The following BCAR3 variants were observed in gnomAD, a reference collection of about 807,000 sequenced individuals.
BCAR3 encodes the protein BCAR3 adaptor protein, NSP family member, also known as breast cancer anti-estrogen resistance protein 3.
In BCAR3, 37 loss-of-function variants were observed where a neutral mutation model predicts 80.1. That is an observed-to-expected ratio of 0.46 (90% confidence interval 0.36 to 0.61). The LOEUF (loss-of-function observed/expected upper bound fraction) is 0.61, where lower values mean the gene tolerates loss of function less well. Among genes scored for constraint, BCAR3 ranks in the 20% least tolerant of loss-of-function variants. BCAR3 has a pLI of 0.00. For synonymous variants in BCAR3, 389 were observed against 418.9 expected, an observed-to-expected ratio of 0.93 and a Z score of 0.87; for missense variants, 978 against 1,068.2, an observed-to-expected ratio of 0.92 and a Z score of 1.18.
At chr1:93,660,186 T>C (rs1647586729) in intron 2 of BCAR3, among the ~76,000 whole-genome samples, 1 of 152,160 alleles carries the variant, frequency 6.6e-6, no homozygotes, top group African/African-American at 2.4e-5. Context: ...GAGAGAAATG[T>C]TGTTCTTGGA....
upstream of BCAR3, chr1:93,847,188 G>T (rs552755734): frequency 1.3e-3 from 256 of 193,648 alleles, 1 homozygote; most frequent in African/African-American, 5.7e-3. Flanking sequence ...CAACTCTGGG[G>T]TCCCGGCCGG....
At chr1:93,708,537 C>T (rs998918838) in intron 2 of BCAR3, among the ~76,000 whole-genome samples, 3 of 152,174 alleles carry the variant, frequency 2.0e-5, no homozygotes, top group Non-Finnish European at 1.5e-5. Context: ...TCCCCAGTGT[C>T]CCATTACTCT....
intron 3 of BCAR3, among the ~76,000 whole-genome samples, chr1:93,612,863 A>G (rs1383861509): frequency 6.6e-6 from 1 of 152,216 alleles, no homozygotes; most frequent in Non-Finnish European, 1.5e-5. Context: ...CACTCCTACC[A>G]GGGAGCAAAA....
Position 93,646,339 on chromosome 1 carries a change from A to C in BCAR3, c.318-3996T>G, listed in dbSNP as rs1676146510. 9 of 152,232 alleles carry C rather than the reference A, an allele frequency of 5.9e-5. No homozygotes were observed. In the South Asian group the frequency reaches 1.9e-3, roughly 32 times the overall value. 9.4% of individuals were successfully genotyped at this position (152,232 alleles called of 1,614,324 possible). A position where few individuals can be genotyped will look rare whatever the true frequency, so the allele number is the denominator to read the frequency against. ...ATTGGTAGGCTGGTCACGGTGACTC[A>C]CGCCTGTAATCCCAGCACTTTGGGA... On this transcript the variant is annotated intron_variant, in intron 2 of 11. Transcript: ENST00000260502.
chr1:93,675,646 G>T (rs765221606), intron 1 of BCAR3, among the ~76,000 whole-genome samples: 22 of 152,176 alleles, frequency 1.4e-4, no homozygotes, highest in African/African-American at 5.3e-4. Context: ...ATGCCCATGG[G>T]TGCCTGTACA....
intron 2 of BCAR3, 147 bp downstream of exon 2, chr1:93,674,467 G>T: frequency 1.2e-6 from 1 of 847,830 alleles, no homozygotes; most frequent in Non-Finnish European, 1.8e-6. Flanking sequence ...TGTTGGTCTG[G>T]TCTCAAACTC....
Position 93,584,094 on chromosome 1 carries a change from G to A in BCAR3, c.957C>T (p.Pro319=), listed in dbSNP as rs143814614. 2.0e-5 allele frequency: 33 copies of A among 1,613,986 alleles called. No individual in the cohort carries two copies. Among genetic ancestry groups the A allele is most frequent in the African/African-American group, 2.7e-5 (2 of 74,900 alleles). ...LRNKEKSGSQ[P]ACLDHMQDRR... ...TGTCCTGCATGTGATCCAGGCAGGC[G>A]GGCTGGCTACCACTCTTTTCTTTGT... is the stretch of plus-strand genomic sequence containing the variant. Residue 319 remains proline, a synonymous_variant, in exon 6 of 12, where the codon CCC becomes CCT. Coordinates refer to ENST00000260502, the MANE Select transcript of BCAR3 (RefSeq NM_003567.4).
chr1:93,637,235 T>A (rs1199930313), intron 3 of BCAR3, among the ~76,000 whole-genome samples: 4 of 151,896 alleles, frequency 2.6e-5, no homozygotes, highest in Non-Finnish European at 4.4e-5. Flanking sequence ...AATGGCCCAA[T>A]CTCGGCTCAC....
chr1:93,736,747 C>T (rs61781048), intron 2 of BCAR3, among the ~76,000 whole-genome samples: 14,551 of 152,042 alleles, frequency 0.096, 807 homozygotes, highest in African/African-American at 0.14. Flanking sequence ...AGAAACTATT[C>T]CAAGTGATAA....
intron 2 of BCAR3, among the ~76,000 whole-genome samples, chr1:93,666,502 C>T (rs113150666): frequency 6.6e-6 from 1 of 152,172 alleles, no homozygotes; most frequent in Non-Finnish European, 1.5e-5. Context: ...TAGTTACGTA[C>T]TTAATGATGC....
At chr1:93,694,347 C>T (rs964376388) in intron 3 of BCAR3, among the ~76,000 whole-genome samples, 6 of 151,942 alleles carry the variant, frequency 3.9e-5, no homozygotes, top group Admixed American at 2.6e-4. Flanking sequence ...CAGGGACTGA[C>T]GCCCTCCCAG....
chr1:93,755,472 T>G (rs1651710932), intron 2 of BCAR3, among the ~76,000 whole-genome samples: 2 of 152,204 alleles, frequency 1.3e-5, no homozygotes, highest in African/African-American at 4.8e-5. Flanking sequence ...CTCTACTGTA[T>G]CTTTTCTATG....
chr1:93,619,696 G>A (rs995914246), intron 3 of BCAR3, among the ~76,000 whole-genome samples: 6 of 152,214 alleles, frequency 3.9e-5, no homozygotes, highest in African/African-American at 1.2e-4. Flanking sequence ...GAGGCCCTCT[G>A]GAGGCCTTAC....
At chr1:93,831,806 C>T (rs527612541) in intron 2 of BCAR3, among the ~76,000 whole-genome samples, 3 of 152,284 alleles carry the variant, frequency 2.0e-5, no homozygotes, top group South Asian at 2.1e-4. Flanking sequence ...GTCCGGCTTA[C>T]TGTTTCTTTC....
chr1:93,689,146 T>C lies in BCAR3; in HGVS notation c.-11-14205A>G, dbSNP rs142567462. 8.4e-3 allele frequency among the ~76,000 whole-genome samples: 1,276 copies of C among 152,216 alleles called. 19 individuals carry two copies. The highest frequency in any genetic ancestry group is 0.029 in the African/African-American group (1,223 of 41,548). ...GATCTGGAGTGAGAGAAGGATGAGC[T>C]GCAGCAGAGCTCCCAGTGCTGTGGG... On this transcript the variant is annotated intron_variant, in intron 3 of 13. Coordinates refer to the BCAR3 transcript ENST00000370244.
intron 1 of BCAR3, among the ~76,000 whole-genome samples, chr1:93,678,015 A>G (rs556084371): frequency 1.3e-5 from 2 of 152,304 alleles, no homozygotes; most frequent in African/African-American, 2.4e-5. Flanking sequence ...CTTCAAGCCT[A>G]TAAGGACCAA....
intron 2 of BCAR3, among the ~76,000 whole-genome samples, chr1:93,807,119 ATAG>A (rs1345526797): frequency 2.0e-5 from 3 of 152,150 alleles, no homozygotes; most frequent in South Asian, 2.1e-4. Flanking sequence ...GAAAAAAAAA[ATAG>A]TAGAATTTTC....
intron 3 of BCAR3, chr1:93,614,064 G>A (rs1675032126): frequency 6.9e-7 from 1 of 1,443,298 alleles, no homozygotes; most frequent in Admixed American, 2.6e-5. Context: ...CGGCAGCCGG[G>A]GGAGTGAGTC....
intron 2 of BCAR3, among the ~76,000 whole-genome samples, chr1:93,758,179 T>C (rs749836976): frequency 1.8e-4 from 27 of 152,166 alleles, no homozygotes; most frequent in Non-Finnish European, 2.8e-4. Context: ...TCTTGGTTCA[T>C]AAGGGAGATG....
Sources: allele counts gnomAD v4.1 joint callset (sites outside exome capture counted in the v4.1 genomes callset), GRCh38; gene constraint gnomAD v4.1.1; transcripts MANE v1.5; gene names NCBI Gene and HGNC (gene_info 2026-07-23, HGNC 2026-07-21).